Variants in MCM9 observed in about 807,000 individuals in gnomAD.
MCM9 encodes minichromosome maintenance 9 homologous recombination repair factor.
MCM9 carries 55 observed loss-of-function variants against 72.8 expected under a neutral mutation model. The observed-to-expected ratio is 0.76, with a 90% CI of 0.61 to 0.95. The LOEUF is 0.95. MCM9 is among the 40% of genes least tolerant of loss of function. The probability of loss-of-function intolerance (pLI) is 0.00; values close to 1 mark genes in which losing one functional copy is unlikely to be tolerated. For synonymous variants in MCM9, 480 were observed against 503.4 expected (o/e 0.95, Z 0.62); for missense variants, 1,279 against 1,377.0 (o/e 0.93, Z 1.13).
chr6:118,894,242 C>G lies in MCM9; in HGVS notation c.1150+17408G>C, dbSNP rs918907078. ...AGTGAAATAGGAAAGCTGCAAAACA[C>G]TGTGGAGTGCTCCCGTGTAAATAAA... On this transcript the variant is annotated intron_variant, in intron 8 of 13. Coordinates refer to ENST00000619706, the MANE Select transcript of MCM9 (RefSeq NM_017696.3). The G allele has an allele frequency of 2.8e-6, 4 of 1,444,366 alleles. No individual in the cohort carries two copies. The African/African-American group carries it at 4.3e-5, about 16-fold the overall frequency. The allele number at this position is 1,444,366 out of a possible 1,614,324, so 89.5% of individuals were successfully genotyped here. A position where few individuals can be genotyped will look rare whatever the true frequency, so the allele number is the denominator to read the frequency against.
intron 5 of MCM9, chr6:118,918,059 T>A: frequency 2.6e-6 from 1 of 385,388 alleles, no homozygotes; most frequent in Non-Finnish European, 4.8e-6. Flanking sequence ...GTTTACTGGA[T>A]GATTCATTCA....
chr6:118,867,095 A>T (rs1777262603), intron 8 of MCM9, among the ~76,000 whole-genome samples: 1 of 152,058 alleles, frequency 6.6e-6, no homozygotes, highest in Non-Finnish European at 1.5e-5. Flanking sequence ...TCAGTCTTTT[A>T]AAAAAAGGGG....
chr6:118,830,387 C>T (rs1000668321), intron 9 of MCM9, among the ~76,000 whole-genome samples: 3 of 152,080 alleles, frequency 2.0e-5, no homozygotes, highest in Admixed American at 6.6e-5. Context: ...GCAAGTGGCA[C>T]AAGAAGACAC....
At chr6:118,853,116 G>A (rs760471279) in intron 9 of MCM9, among the ~76,000 whole-genome samples, 2 of 151,996 alleles carry the variant, frequency 1.3e-5, no homozygotes, top group Non-Finnish European at 2.9e-5. Flanking sequence ...AAACCATTTG[G>A]GTATAGGTCT....
In MCM9 at chr6:118,930,989, T is replaced by C. The variant is rs1583713761; in HGVS notation, c.304+431A>G. On this transcript the variant is annotated intron_variant, in intron 3 of 13. Transcript: ENST00000619706. ...ATTCAACAAAAATGTATCGAGTAACTGGTAGGTAGACTGCACAATGCTAAT... is the reference window on the plus strand; with the variant it reads ...ATTCAACAAAAATGTATCGAGTAACCGGTAGGTAGACTGCACAATGCTAAT... 4.6e-5 allele frequency among the ~76,000 whole-genome samples: 7 copies of C among 152,340 alleles called. No homozygotes were observed. The South Asian group carries it at 1.4e-3, about 32-fold the overall frequency.
At chr6:118,910,217 G>T (rs370174115) in intron 8 of MCM9, among the ~76,000 whole-genome samples, 52 of 150,280 alleles carry the variant, frequency 3.5e-4, no homozygotes, top group East Asian at 2.7e-3. Context: ...CAGTATTTTG[G>T]TTTTTTTTTA....
intron 3 of MCM9, among the ~76,000 whole-genome samples, chr6:118,925,834 A>G (rs1208779908): frequency 6.6e-6 from 1 of 152,200 alleles, no homozygotes; most frequent in Admixed American, 6.5e-5. Flanking sequence ...ACTGGAATAT[A>G]TATTGTAATA....
At chr6:118,846,427 A>G (rs1315963510) in intron 9 of MCM9, among the ~76,000 whole-genome samples, 1 of 151,860 alleles carries the variant, frequency 6.6e-6, no homozygotes, top group African/African-American at 2.4e-5. Context: ...GCTGGAGAAC[A>G]CAGATAAAAT....
chr6:118,917,536 T>C (rs1781060973), intron 6 of MCM9, 25 bp downstream of exon 6: 1 of 1,601,438 alleles, frequency 6.2e-7, no homozygotes, highest in Admixed American at 1.7e-5. Flanking sequence ...TTAATAATAA[T>C]CAGTTTTAGC....
chr6:118,836,338 T>C (rs917837810), intron 9 of MCM9, among the ~76,000 whole-genome samples: 4 of 152,236 alleles, frequency 2.6e-5, no homozygotes, highest in African/African-American at 9.6e-5. Flanking sequence ...CAGGTTTTGA[T>C]AGCAGAATGA....
intron 8 of MCM9, among the ~76,000 whole-genome samples, chr6:118,897,087 C>CCCCT (rs2114499480): frequency 6.6e-6 from 1 of 152,290 alleles, no homozygotes; most frequent in East Asian, 1.9e-4. Context: ...AGTCCTCCCA[C>CCCCT]CCCTGCCTCC....
chr6:118,925,761 T>A (rs1347671565), intron 3 of MCM9, among the ~76,000 whole-genome samples: 2 of 152,178 alleles, frequency 1.3e-5, no homozygotes, highest in Non-Finnish European at 2.9e-5. Context: ...TTCGTTCATA[T>A]CCTAGAATGT....
chr6:118,890,329 G>T (rs188936676), intron 8 of MCM9, among the ~76,000 whole-genome samples: 1 of 152,186 alleles, frequency 6.6e-6, no homozygotes, highest in African/African-American at 2.4e-5. Flanking sequence ...AGCCATCAGA[G>T]GAATGGGTTT....
At chr6:118,904,077 TG>T (rs1779997558) in intron 8 of MCM9, among the ~76,000 whole-genome samples, 1 of 143,694 alleles carries the variant, frequency 7.0e-6, no homozygotes. Flanking sequence ...TTTAATAATC[TG>T]AGGTTTTAAA....
Position 118,814,918 on chromosome 6 carries a change from A to G in MCM9, c.3338T>C (p.Leu1113Pro), listed in dbSNP as rs759622734. ...GAAGAGGGATTCTTTGGAAACAATC[A>G]GTTTCTCGGTGGACCCACGGAGCTG... ...SFQLRGSTEK[L>P]IVSKESLFTL... Residue 1113 changes from leucine (L) to proline (P), a missense_variant, in exon 14 of 14, where the codon CTG becomes CCG. Transcript: ENST00000619706. 1.1e-5 allele frequency: 17 copies of G among 1,549,250 alleles called. No homozygotes were observed. In the East Asian group the frequency reaches 4.2e-4, roughly 38 times the overall value.
intron 8 of MCM9, among the ~76,000 whole-genome samples, chr6:118,864,977 A>G (rs1777129210): frequency 1.3e-5 from 2 of 152,188 alleles, no homozygotes; most frequent in South Asian, 4.1e-4. Context: ...GAAGTTAAAG[A>G]GGCAGACAAA....
chr6:118,841,384 C>T (rs888795363), intron 9 of MCM9, among the ~76,000 whole-genome samples: 7 of 152,028 alleles, frequency 4.6e-5, no homozygotes, highest in Admixed American at 3.3e-4. Flanking sequence ...TCTCCTCTGG[C>T]CCCCCCTTAA....
intron 3 of MCM9, among the ~76,000 whole-genome samples, chr6:118,928,377 C>T (rs1782079672): frequency 6.6e-6 from 1 of 152,064 alleles, no homozygotes; most frequent in African/African-American, 2.4e-5. Flanking sequence ...CACCTGTGCA[C>T]TCCGGCTTGG....
intron 9 of MCM9, among the ~76,000 whole-genome samples, chr6:118,854,964 A>G (rs1276387138): frequency 1.3e-5 from 2 of 152,052 alleles, no homozygotes; most frequent in African/African-American, 4.8e-5. Flanking sequence ...CTTGTATTTT[A>G]TAACAATATT....
Sources: allele counts gnomAD v4.1 joint callset (sites outside exome capture counted in the v4.1 genomes callset), GRCh38; gene constraint gnomAD v4.1.1; transcripts MANE v1.5; gene names NCBI Gene and HGNC (gene_info 2026-07-23, HGNC 2026-07-21).